SLC12A7: variants seen among roughly 807,000 people sequenced by gnomAD.
SLC12A7 encodes K-Cl cotransporter 4.
Under a neutral mutation model 120.6 loss-of-function variants are expected in SLC12A7, and 100 were observed. The observed-to-expected ratio is 0.83, with a 90% CI of 0.71 to 0.98. The LOEUF (loss-of-function observed/expected upper bound fraction) is 0.98, where lower values mean the gene tolerates loss of function less well. SLC12A7 is among the 50% of genes least tolerant of loss of function. SLC12A7 has a pLI of 0.00. For missense variants in SLC12A7, 1,373 were observed against 1,548.1 expected (o/e 0.89, Z 1.90); for synonymous variants, 760 against 678.0 (o/e 1.12, Z -1.88).
chr5:1,083,729 G>A lies in SLC12A7; in HGVS notation c.1129+16C>T. On this transcript the variant is annotated intron_variant, in intron 8 of 23. Coordinates refer to ENST00000264930, the MANE Select transcript of SLC12A7 (RefSeq NM_006598.3). Reference sequence around the variant, plus strand: ...CCGCCACCCCCCAGCTCCAGCTGCAGCCCTGTGAGCCTCACCCAGGAAGAC... The same window carrying A: ...CCGCCACCCCCCAGCTCCAGCTGCAACCCTGTGAGCCTCACCCAGGAAGAC... The A allele has an allele frequency of 6.2e-7, 1 of 1,609,962 alleles. No individual in the cohort carries two copies. The highest frequency in any genetic ancestry group is 8.5e-7 in the Non-Finnish European group (1 of 1,178,626).
At chr5:1,080,997 CAGAGAGAGA>C (rs201187841) in intron 9 of SLC12A7, among the ~76,000 whole-genome samples, 3 of 144,712 alleles carry the variant, frequency 2.1e-5, no homozygotes, top group East Asian at 2.0e-4. Flanking sequence ...GAGAGAGAGA[CAGAGAGAGA>C]GACAGACAGA....
At chr5:1,064,499 C>A (rs1322892990) in intron 18 of SLC12A7, among the ~76,000 whole-genome samples, 1 of 152,266 alleles carries the variant, frequency 6.6e-6, no homozygotes, top group Admixed American at 6.5e-5. Flanking sequence ...GAGGGAGTGC[C>A]TGGACACTTT....
At chr5:1,060,910 AC>A (rs1736114980) in intron 20 of SLC12A7, among the ~76,000 whole-genome samples, 1 of 151,842 alleles carries the variant, frequency 6.6e-6, no homozygotes, top group Non-Finnish European at 1.5e-5. Context: ...CCTGGGTCTC[AC>A]CCATTGCACC....
At position 1,054,879 on chromosome 5, in the gene SLC12A7, G is replaced by A. The variant is rs979729972; in HGVS notation, c.3027-1397C>T. Among the ~76,000 whole-genome samples the A allele has an allele frequency of 3.3e-5, 5 of 152,314 alleles. No homozygotes were observed. In the East Asian group the frequency reaches 5.8e-4, roughly 18 times the overall value. On this transcript the variant is annotated intron_variant, in intron 22 of 23. Coordinates refer to ENST00000264930, the MANE Select transcript of SLC12A7 (RefSeq NM_006598.3). ...TCCACAGCACAGTCAAGGGGCTTTC[G>A]TGCCAGGAACTTGGAACTTTGAATT...
At chr5:1,115,799 C>T (rs759089469), upstream of SLC12A7, among the ~76,000 whole-genome samples, 8 of 134,822 alleles carry the variant, frequency 5.9e-5, no homozygotes, top group Non-Finnish European at 9.1e-5. Flanking sequence ...GGGGAGAGAG[C>T]GAATAGGGCA....
chr5:1,075,632 G>A lies in SLC12A7; in HGVS notation c.1848-142C>T, dbSNP rs1738246796. The A allele has an allele frequency of 3.8e-6, 5 of 1,314,656 alleles. No homozygotes were observed. In the South Asian group the frequency reaches 6.2e-5, roughly 16 times the overall value. 81.4% of individuals were successfully genotyped at this position (1,314,656 alleles called of 1,614,324 possible). A position where few individuals can be genotyped will look rare whatever the true frequency, so the allele number is the denominator to read the frequency against. On this transcript the variant is annotated intron_variant, in intron 14 of 23. Coordinates refer to ENST00000264930, the MANE Select transcript of SLC12A7 (RefSeq NM_006598.3). ...ACAGTCACTGACGCCTGACGACCAT[G>A]GCTGTACTCAACCACCTCTGAGGGG...
intron 13 of SLC12A7, 129 bp downstream of exon 13, chr5:1,076,565 C>T: frequency 5.6e-6 from 4 of 719,574 alleles, no homozygotes; most frequent in Non-Finnish European, 9.3e-6. Context: ...CCCTTCCCGG[C>T]AGGATCCTGA....
At chr5:1,127,748 C>T in the SLC12A7 span, among the ~76,000 whole-genome samples, 1 of 152,240 alleles carries the variant, frequency 6.6e-6, no homozygotes, top group African/African-American at 2.4e-5. Context: ...TGCCCCCCTC[C>T]TGCACATAAA....
chr5:1,055,104 A>C (rs1735467100), intron 22 of SLC12A7, among the ~76,000 whole-genome samples: 1 of 152,132 alleles, frequency 6.6e-6, no homozygotes, highest in Non-Finnish European at 1.5e-5. Flanking sequence ...CAGTGCAGAC[A>C]CAGGCACAGA....
chr5:1,121,478 G>T, the SLC12A7 span, among the ~76,000 whole-genome samples: 4 of 152,284 alleles, frequency 2.6e-5, no homozygotes, highest in Admixed American at 2.6e-4. Context: ...ATTCCTCTCC[G>T]GTGGAATGCT....
At chr5:1,119,514 G>T in the SLC12A7 span, among the ~76,000 whole-genome samples, 1 of 152,368 alleles carries the variant, frequency 6.6e-6, no homozygotes, top group African/African-American at 2.4e-5. Context: ...GCTGCACCAT[G>T]ACCCCCTCCA....
the SLC12A7 span, among the ~76,000 whole-genome samples, chr5:1,126,783 C>T: frequency 1.3e-5 from 2 of 152,272 alleles, no homozygotes; most frequent in East Asian, 1.9e-4. Flanking sequence ...TACAACCTAT[C>T]GAAACCATAA....
At chr5:1,064,348 G>A (rs982434029) in intron 18 of SLC12A7, 96 bp from the exon 19 acceptor site, 135 of 1,398,142 alleles carry the variant, frequency 9.7e-5, no homozygotes, top group South Asian at 2.6e-4. Flanking sequence ...CGGGCACGGC[G>A]AGGCGAGGGG....
intron 1 of SLC12A7, among the ~76,000 whole-genome samples, chr5:1,104,847 A>G (rs1742357651): frequency 6.6e-6 from 1 of 152,330 alleles, no homozygotes; most frequent in African/African-American, 2.4e-5. Flanking sequence ...GGCTGGCAGG[A>G]TGGGGGCCCA....
At chr5:1,131,495 C>T in the SLC12A7 span, among the ~76,000 whole-genome samples, 1 of 152,236 alleles carries the variant, frequency 6.6e-6, no homozygotes, top group South Asian at 2.1e-4. Flanking sequence ...GAAGCAGGCA[C>T]CGGCCCTGGT....
At chr5:1,056,672 G>A in intron 22 of SLC12A7, 1 of 780,418 alleles carries the variant, frequency 1.3e-6, no homozygotes, top group Non-Finnish European at 1.6e-6. Context: ...TCGCATGGCT[G>A]CCCAGGAGGA....
At chr5:1,088,784 C>T (rs1333316095) in intron 4 of SLC12A7, among the ~76,000 whole-genome samples, 198 bp downstream of exon 4, 1 of 152,220 alleles carries the variant, frequency 6.6e-6, no homozygotes, top group Admixed American at 6.5e-5. Flanking sequence ...GCATCTCATC[C>T]CCGCAGCTGC....
chr5:1,063,585 CCCCCGCCACAATCGCCACCACCTTCTCCT>C (rs1561039710), intron 20 of SLC12A7, among the ~76,000 whole-genome samples: 1 of 152,052 alleles, frequency 6.6e-6, no homozygotes. Context: ...GGCCTGGCAG[CCCCCGCCACAATCGCCACCACCTTCTCCT>C]CCCCACCTCC....
chr5:1,090,930 G>C (rs1365047080), intron 3 of SLC12A7, among the ~76,000 whole-genome samples: 1 of 152,148 alleles, frequency 6.6e-6, no homozygotes, highest in Admixed American at 6.5e-5. Flanking sequence ...GTCTGCTGGG[G>C]ATGAGCCTCT....
Sources: gnomAD v4.1 joint callset for allele counts (sites outside exome capture counted in the v4.1 genomes callset) on GRCh38, gnomAD v4.1.1 for gene constraint, MANE v1.5 for transcripts, NCBI Gene and HGNC (gene_info 2026-07-23, HGNC 2026-07-21) for gene names.